NEUROD1: variants seen among roughly 807,000 people sequenced by gnomAD.
NEUROD1 encodes the protein neurogenic differentiation factor 1.
NEUROD1 carries 9 observed loss-of-function variants against 21.8 expected under a neutral mutation model. That is an observed-to-expected ratio of 0.41 (90% CI 0.25 to 0.72). The LOEUF is 0.72. Ranked by LOEUF, NEUROD1 falls within the 30% of genes least tolerant of loss-of-function variation. The probability of loss-of-function intolerance (pLI) is 0.31; values close to 1 mark genes in which losing one functional copy is unlikely to be tolerated. For missense variants in NEUROD1, 434 were observed against 468.8 expected (o/e 0.93, Z 0.69); for synonymous variants, 199 against 186.2 (o/e 1.07, Z -0.56).
At position 181,678,452 on chromosome 2, in the gene NEUROD1, G is replaced by A; in HGVS notation, c.409C>T (p.Leu137=). ...AAGCGCAGAGTCTCGATTTTGGACA[G>A]CTTCTGCGTCTTAGAATAGCAAGGC... The part of the protein sequence containing the change: ...VVPCYSKTQK[L]SKIETLRLAK... The change falls in exon 2 of 2, where the codon CTG becomes TTG. Residue 137 remains leucine (L), a synonymous_variant. Transcript: ENST00000295108. The surrounding 1 kb of genome is among the most constrained non-coding windows in gnomAD (Gnocchi z 5.5). The A allele has an allele frequency of 6.2e-7, 1 of 1,614,230 alleles. No individual in the cohort carries two copies. The highest frequency in any genetic ancestry group is 8.5e-7 in the Non-Finnish European group (1 of 1,180,040).
At chr2:181,674,150 TC>T (rs938205655), downstream of NEUROD1, among the ~76,000 whole-genome samples, 2 of 152,184 alleles carry the variant, frequency 1.3e-5, no homozygotes, top group Non-Finnish European at 2.9e-5. Context: ...TTATGAAATT[TC>T]CCCCTGATTT....
downstream of NEUROD1, among the ~76,000 whole-genome samples, chr2:181,669,091 C>T (rs964368494): frequency 6.6e-6 from 1 of 152,070 alleles, no homozygotes. Flanking sequence ...GGTCTTCTAC[C>T]CTCCACTCTA....
chr2:181,677,894 C>T lies in NEUROD1; in HGVS notation c.967G>A (p.Ala323Thr). Reference sequence around the variant, plus strand: ...TCTATGGGGATCTCGCAGCGAGGGGCAGCGGTGCCTGAGAAGATTGATCCG... The same window carrying T: ...TCTATGGGGATCTCGCAGCGAGGGGTAGCGGTGCCTGAGAAGATTGATCCG... The part of the protein sequence containing the change: ...SHGSIFSGTA[A>T]PRCEIPIDNI... The change falls in exon 2 of 2, where the codon GCC (alanine) becomes ACC (threonine). Residue 323 changes from alanine to threonine, a missense_variant. Physicochemically the swap from Ala to Thr is moderately conservative, Grantham distance 58 (BLOSUM62 0). Transcript: ENST00000295108. 1 of 1,614,204 alleles carries T rather than the reference C, an allele frequency of 6.2e-7. No homozygotes were observed.
chr2:181,678,855 G>A lies in NEUROD1; in HGVS notation c.6C>T (p.Thr2=). The part of the protein sequence containing the change: M[T]KSYSESGLMG... The stretch of plus-strand genomic sequence containing the variant: ...TCAGCCCACTCTCGCTGTACGATTT[G>A]GTCATGTTTCGATTTCCTACATTCA... Residue 2 remains threonine, a synonymous_variant, in exon 2 of 2, where the codon ACC becomes ACT. Coordinates refer to ENST00000295108, the MANE Select transcript of NEUROD1 (RefSeq NM_002500.5). The surrounding 1 kb of genome is among the most constrained non-coding windows in gnomAD (Gnocchi z 5.5). 6.2e-7 allele frequency: 1 copy of A among 1,613,742 alleles called. No homozygotes were observed. The highest frequency in any genetic ancestry group is 8.5e-7 in the Non-Finnish European group (1 of 1,180,036).
chr2:181,670,286 T>C (rs1245770059), downstream of NEUROD1, among the ~76,000 whole-genome samples: 1 of 152,234 alleles, frequency 6.6e-6, no homozygotes, highest in African/African-American at 2.4e-5. Context: ...TAAATGTAGA[T>C]GTCAGTTTAA....
chr2:181,678,195 C>T lies in NEUROD1; in HGVS notation c.666G>A (p.Gln222=), dbSNP rs760454308. Residue 222 remains glutamine (Q), a synonymous_variant, in exon 2 of 2, where the codon CAG becomes CAA. Transcript: ENST00000295108. The surrounding 1 kb of genome is among the most constrained non-coding windows in gnomAD (Gnocchi z 5.5). ...ASFPVHPYSY[Q]SPGLPSPPYG... is the part of the protein sequence containing the mutation. ...AAGGCGGACTGGGCAGCCCAGGCGA[C>T]TGGTAGGAGTAGGGGTGTACAGGGA... 6.8e-6 allele frequency: 11 copies of T among 1,614,084 alleles called. No homozygotes were observed. Among genetic ancestry groups the T allele is most frequent in the Non-Finnish European group, 8.5e-6 (10 of 1,179,994 alleles).
chr2:181,675,763 TAA>T, downstream of NEUROD1, among the ~76,000 whole-genome samples: 1 of 151,646 alleles, frequency 6.6e-6, no homozygotes, highest in Non-Finnish European at 1.5e-5. Flanking sequence ...GGGGAGGAAA[TAA>T]TTACACCTTC....
chr2:181,678,486 G>A lies in NEUROD1; in HGVS notation c.375C>T (p.Arg125=), dbSNP rs780072119. The A allele has an allele frequency of 4.3e-6, 7 of 1,614,232 alleles. No homozygotes were observed. In the South Asian group the frequency reaches 4.4e-5, roughly 10 times the overall value. The change falls in exon 2 of 2, where the codon CGC becomes CGT. Residue 125 remains arginine, a synonymous_variant. Coordinates refer to ENST00000295108, the MANE Select transcript of NEUROD1 (RefSeq NM_002500.5). This position sits in a 1 kb window ranked among gnomAD's most constrained non-coding sequence, Gnocchi z 5.5. ...TCTTAGAATAGCAAGGCACCACCTT[G>A]CGCAGGTTGTCTAGCGCCGCGTTCA... The part of the protein sequence containing the change: ...HGLNAALDNL[R]KVVPCYSKTQ...
At position 181,679,919 on chromosome 2, in the gene NEUROD1, T is replaced by TC. The variant is rs557560687; in HGVS notation, c.-12+510dup. Among the ~76,000 whole-genome samples the TC allele has an allele frequency of 7.2e-5, 11 of 152,194 alleles. No homozygotes were observed. The South Asian group carries it at 2.1e-3, about 29-fold the overall frequency. On this transcript the variant is annotated intron_variant, in intron 1 of 1. Transcript: ENST00000295108. ...TGAGTCCCTCTCCCTTTCTCCACTTTCCCCCCTCTCAACTAAACTATCTCT... is the reference window on the plus strand; with the variant it reads ...TGAGTCCCTCTCCCTTTCTCCACTTTCCCCCCCTCTCAACTAAACTATCTCT...
In NEUROD1 at chr2:181,680,018, G is replaced by A. The variant is rs150899904; in HGVS notation, c.-12+412C>T. ...CTTTCATTCACTGAAAACACAGCTT[G>A]ACACTCCCAATGTGCGTAAAATACA... On this transcript the variant is annotated intron_variant, in intron 1 of 1. Coordinates refer to ENST00000295108, the MANE Select transcript of NEUROD1 (RefSeq NM_002500.5). Among the ~76,000 whole-genome samples the A allele has an allele frequency of 6.1e-3, 935 of 152,190 alleles. 7 individuals are homozygous for A. Among genetic ancestry groups the A allele is most frequent in the African/African-American group, 0.021 (892 of 41,518 alleles).
At chr2:181,674,618 A>G (rs1688540131), downstream of NEUROD1, among the ~76,000 whole-genome samples, 1 of 152,196 alleles carries the variant, frequency 6.6e-6, no homozygotes, top group African/African-American at 2.4e-5. Context: ...TGGAAGTGCT[A>G]TGTGTTATGC....
rs768934584 is a variant in NEUROD1 at position 181,678,061 on chromosome 2, G to C, written c.800C>G (p.Pro267Arg). ...CGGGCTGAGGGGTCCATCAAAGGAA[G>C]GGCTGGTGCAATCAGTCAGAGGGCT... ...FESPLTDCTS[P>R]SFDGPLSPPL... Residue 267 changes from proline to arginine, a missense_variant, in exon 2 of 2, where the codon CCT (proline) becomes CGT (arginine). Pro to Arg is a moderately radical substitution (Grantham distance 103, BLOSUM62 -2). Transcript: ENST00000295108. This position sits in a 1 kb window ranked among gnomAD's most constrained non-coding sequence, Gnocchi z 5.5. The C allele has an allele frequency of 1.9e-6, 3 of 1,614,210 alleles. No homozygotes were observed. The South Asian group carries it at 3.3e-5, about 18-fold the overall frequency.
Position 181,678,796 on chromosome 2 carries a change from C to T in NEUROD1, c.65G>A (p.Trp22Ter), listed in dbSNP as rs1332890945. ...GEPQPQGPPS[W>*]TDECLSSQDE... is the part of the protein sequence containing the mutation. ...CTGAGAACTGAGACACTCGTCTGTC[C>T]AGCTTGGAGGACCTTGGGGCTGAGG... is the stretch of plus-strand genomic sequence containing the variant. The change falls in exon 2 of 2, where the codon TGG becomes TAG. Residue 22 changes from tryptophan to a stop codon, truncating the protein, a stop_gained. Coordinates refer to ENST00000295108, the MANE Select transcript of NEUROD1 (RefSeq NM_002500.5). LOFTEE classifies it high-confidence loss of function. This position sits in a 1 kb window ranked among gnomAD's most constrained non-coding sequence, Gnocchi z 5.5. The T allele has an allele frequency of 6.2e-7, 1 of 1,613,880 alleles. No homozygotes were observed. The highest frequency in any genetic ancestry group is 8.5e-7 in the Non-Finnish European group (1 of 1,179,986).
downstream of NEUROD1, among the ~76,000 whole-genome samples, chr2:181,674,249 C>G (rs1688533811): frequency 6.6e-6 from 1 of 152,230 alleles, no homozygotes; most frequent in Admixed American, 6.5e-5. Context: ...TAGGAATAGT[C>G]GTGGCTCAAG....
At chr2:181,675,804 C>T (rs1021408303), downstream of NEUROD1, among the ~76,000 whole-genome samples, 1 of 152,088 alleles carries the variant, frequency 6.6e-6, no homozygotes, top group African/African-American at 2.4e-5. Flanking sequence ...GTGTGTTCTT[C>T]AGTACAAATA....
chr2:181,675,736 A>G (rs1199840556), downstream of NEUROD1, among the ~76,000 whole-genome samples: 2 of 152,168 alleles, frequency 1.3e-5, no homozygotes, highest in East Asian at 1.9e-4. Context: ...ACAACAGAAT[A>G]GTGCCCCAAA....
Position 181,677,191 on chromosome 2 carries a change from T to G in NEUROD1, c.*599A>C, listed in dbSNP as rs1434225648. On this transcript the variant is annotated 3_prime_UTR_variant, in exon 2 of 2. Transcript: ENST00000295108. The stretch of plus-strand genomic sequence containing the variant: ...GTGCTAAGGCAACACAATAACTTTC[T>G]AAGCACTTTTCTGCTGGTTTAAATT... 2.8e-5 allele frequency: 4 copies of G among 141,494 alleles called. No homozygotes were observed. Among genetic ancestry groups the G allele is most frequent in the Admixed American group, 1.5e-4 (2 of 13,430 alleles). 8.8% of individuals were successfully genotyped at this position (141,494 alleles called of 1,614,324 possible).
At chr2:181,679,778 A>G (rs1170437063) in intron 1 of NEUROD1, among the ~76,000 whole-genome samples, 6 of 152,262 alleles carry the variant, frequency 3.9e-5, no homozygotes, top group Non-Finnish European at 7.3e-5. Flanking sequence ...GCAACCGCGA[A>G]GTTGCCGCTT....
chr2:181,669,714 G>C (rs531395645), downstream of NEUROD1, among the ~76,000 whole-genome samples: 80 of 152,248 alleles, frequency 5.3e-4, no homozygotes, highest in African/African-American at 1.8e-3. Context: ...GAAAAAGAAA[G>C]CAAGCATAAG....
Sources: gnomAD v4.1 joint callset for allele counts (sites outside exome capture counted in the v4.1 genomes callset) on GRCh38, gnomAD v4.1.1 for gene constraint, Gnocchi (gnomAD v3.1) non-coding constraint, MANE v1.5 for transcripts, NCBI Gene and HGNC (gene_info 2026-07-23, HGNC 2026-07-21) for gene names.